PEAK1: variants seen among roughly 807,000 people sequenced by gnomAD.
The protein encoded by PEAK1 is pseudopodium enriched atypical kinase 1.
Under a neutral mutation model 124.7 loss-of-function variants are expected in PEAK1, and 54 were observed. The observed-to-expected ratio is 0.43, with a 90% CI of 0.35 to 0.54. The LOEUF (loss-of-function observed/expected upper bound fraction) is 0.54, where lower values mean the gene tolerates loss of function less well. Among genes scored for constraint, PEAK1 ranks in the 20% least tolerant of loss-of-function variants. PEAK1 has a pLI of 0.01. For missense variants in PEAK1, 2,046 were observed against 2,134.5 expected (o/e 0.96, Z 0.82); for synonymous variants, 719 against 760.0 (o/e 0.95, Z 0.89).
intron 6 of PEAK1, among the ~76,000 whole-genome samples, chr15:77,195,718 T>C (rs2058069404): frequency 6.6e-6 from 1 of 152,200 alleles, no homozygotes; most frequent in African/African-American, 2.4e-5. Flanking sequence ...TCCCTGCAAT[T>C]TCAACATTTT....
intron 5 of PEAK1, among the ~76,000 whole-genome samples, chr15:77,268,003 G>C (rs749120759): frequency 2.4e-4 from 36 of 152,040 alleles, no homozygotes; most frequent in Non-Finnish European, 4.9e-4. Context: ...GTAATAGATA[G>C]CATAAATAAA....
In PEAK1 at chr15:77,347,072, C is replaced by T. The variant is rs549099568; in HGVS notation, c.-603+18091G>A. 3 of 378,174 alleles carry T rather than the reference C, an allele frequency of 7.9e-6. No individual in the cohort carries two copies. In the South Asian group the frequency reaches 3.2e-4, roughly 41 times the overall value. 23.4% of individuals were successfully genotyped at this position (378,174 alleles called of 1,614,324 possible). On this transcript the variant is annotated intron_variant, in intron 2 of 9. Coordinates refer to ENST00000682557, the MANE Select transcript of PEAK1 (RefSeq NM_001385026.1). ...GTAAACCACCAGTCTGAGGGAAGACCATTCCTTGCAGAGGGACAAGGAGTA... is the reference window on the plus strand; with the variant it reads ...GTAAACCACCAGTCTGAGGGAAGACTATTCCTTGCAGAGGGACAAGGAGTA...
At chr15:77,342,431 G>C (rs1388571683) in intron 2 of PEAK1, among the ~76,000 whole-genome samples, 5 of 145,236 alleles carry the variant, frequency 3.4e-5, no homozygotes, top group Non-Finnish European at 7.5e-5. Context: ...TTTTGAGACA[G>C]GTTCTTGCTC....
At chr15:77,276,087 A>C (rs898923304) in intron 5 of PEAK1, among the ~76,000 whole-genome samples, 1 of 152,184 alleles carries the variant, frequency 6.6e-6, no homozygotes, top group South Asian at 2.1e-4. Context: ...AAAAAAACAA[A>C]CAGAACTTTG....
chr15:77,283,811 T>G, intron 5 of PEAK1, 72 bp downstream of exon 5: 7 of 721,382 alleles, frequency 9.7e-6, no homozygotes, highest in Non-Finnish European at 1.2e-5. Flanking sequence ...ATTATGCTTA[T>G]TCTTAATCCA....
intron 2 of PEAK1, among the ~76,000 whole-genome samples, chr15:77,315,351 T>A (rs796503108): frequency 2.5e-4 from 38 of 152,300 alleles, no homozygotes; most frequent in African/African-American, 8.7e-4. Context: ...ATAAACAAGG[T>A]CATACATACC....
chr15:77,357,169 G>A (rs550375407), intron 2 of PEAK1, among the ~76,000 whole-genome samples: 3 of 152,252 alleles, frequency 2.0e-5, no homozygotes, highest in Non-Finnish European at 4.4e-5. Flanking sequence ...TACTTGGGAG[G>A]TGAAGTGGGA....
chr15:77,358,477 A>C (rs2067667816), intron 2 of PEAK1, among the ~76,000 whole-genome samples: 1 of 152,210 alleles, frequency 6.6e-6, no homozygotes. Flanking sequence ...TCATGCTGTA[A>C]ACTTTATTTT....
rs570102392 is a variant in PEAK1, at chr15:77,154,459, T to C, written c.3331+4044A>G. ...TATCCAATTTGCCAGTCTGTGTCTT[T>C]TAATTGGAGCATTTAGCCCATTTAT... On this transcript the variant is annotated intron_variant, in intron 8 of 9. Transcript: ENST00000682557. Among the ~76,000 whole-genome samples the C allele has an allele frequency of 1.2e-4, 18 of 152,318 alleles. No individual in the cohort carries two copies. In the South Asian group the frequency reaches 1.5e-3, roughly 12 times the overall value.
At chr15:77,357,095 A>G (rs1005507966) in intron 2 of PEAK1, among the ~76,000 whole-genome samples, 1 of 151,994 alleles carries the variant, frequency 6.6e-6, no homozygotes, top group African/African-American at 2.4e-5. Context: ...AAGAGGACCC[A>G]CTCTCTAAAA....
In PEAK1 at chr15:77,181,621, T is replaced by A; in HGVS notation, c.306A>T (p.Ile102=). ...AGGCAGCTCTGTTTCGGTTCCACCC[T>A]ATGATGACAGGTTTGTTCTCACAGT... ...QEHCENKPVI[I]GWNRNRAALS... Residue 102 remains isoleucine (I), a synonymous_variant, in exon 7 of 10, where the codon ATA becomes ATT. Coordinates refer to ENST00000682557, the MANE Select transcript of PEAK1 (RefSeq NM_001385026.1). The A allele has an allele frequency of 6.2e-7, 1 of 1,614,204 alleles. No homozygotes were observed. The highest frequency in any genetic ancestry group is 8.5e-7 in the Non-Finnish European group (1 of 1,180,020).
In PEAK1 at chr15:77,181,410, T is replaced by C; in HGVS notation, c.517A>G (p.Arg173Gly). 1 of 1,614,202 alleles carries C rather than the reference T, an allele frequency of 6.2e-7. No individual in the cohort carries two copies. The highest frequency in any genetic ancestry group is 8.5e-7 in the Non-Finnish European group (1 of 1,180,020). The stretch of plus-strand genomic sequence containing the variant: ...TTTATTCTTCCCAAGAATGTTTCTC[T>C]GGAGTTTGTTTCATTTCCTCTTATC... Reference protein sequence around the residue: ...PQIRGNETNSRETFLGRINDC... With the variant: ...PQIRGNETNSGETFLGRINDC... The change falls in exon 7 of 10, where the codon AGA (arginine) becomes GGA (glycine). Residue 173 changes from arginine to glycine, a missense_variant. By Grantham distance (125) the Arg-to-Gly change is moderately radical. Coordinates refer to ENST00000682557, the MANE Select transcript of PEAK1 (RefSeq NM_001385026.1).
intron 2 of PEAK1, among the ~76,000 whole-genome samples, chr15:77,321,836 A>C (rs940236540): frequency 3.3e-5 from 5 of 152,154 alleles, no homozygotes; most frequent in African/African-American, 1.2e-4. Flanking sequence ...CTTTTGTATA[A>C]GGTGTAAGGA....
intron 1 of PEAK1, among the ~76,000 whole-genome samples, chr15:77,372,608 A>G (rs1350067545): frequency 6.6e-6 from 1 of 152,206 alleles, no homozygotes; most frequent in East Asian, 1.9e-4. Flanking sequence ...CTTTCCCTGT[A>G]TCTAAAATAG....
chr15:77,246,889 G>A (rs1473466155), intron 6 of PEAK1, among the ~76,000 whole-genome samples: 2 of 152,044 alleles, frequency 1.3e-5, no homozygotes, highest in Non-Finnish European at 2.9e-5. Context: ...ATGGTGGTGG[G>A]TGCCTGCAAT....
intron 8 of PEAK1, among the ~76,000 whole-genome samples, chr15:77,137,808 G>A (rs2053458370): frequency 6.6e-6 from 1 of 152,154 alleles, no homozygotes; most frequent in South Asian, 2.1e-4. Flanking sequence ...TTTGAAATGT[G>A]AGAACATGAG....
chr15:77,205,809 C>G (rs1437347894), intron 6 of PEAK1, among the ~76,000 whole-genome samples: 2 of 150,738 alleles, frequency 1.3e-5, no homozygotes, highest in Non-Finnish European at 3.0e-5. Context: ...ACTGGAATAA[C>G]TTTATTATTA....
intron 9 of PEAK1, among the ~76,000 whole-genome samples, chr15:77,125,899 T>C (rs892221058): frequency 2.8e-5 from 4 of 142,972 alleles, no homozygotes; most frequent in African/African-American, 9.8e-5. Flanking sequence ...TATTGTATTA[T>C]ACTGCCTCCC....
chr15:77,345,312 C>G (rs374053283), intron 2 of PEAK1, among the ~76,000 whole-genome samples: 2 of 151,972 alleles, frequency 1.3e-5, no homozygotes, highest in East Asian at 1.9e-4. Flanking sequence ...GTTTTTTGCC[C>G]TTCATTCAAC....
Sources: allele counts gnomAD v4.1 joint callset (sites outside exome capture counted in the v4.1 genomes callset), GRCh38; gene constraint gnomAD v4.1.1; transcripts MANE v1.5; gene names NCBI Gene and HGNC (gene_info 2026-07-23, HGNC 2026-07-21).